KLHL12: variants seen among roughly 807,000 people sequenced by gnomAD.
KLHL12 encodes kelch like family member 12, also known as kelch-like protein 12.
KLHL12 carries 17 observed loss-of-function variants against 60.8 expected under a neutral mutation model. The ratio of observed to expected loss-of-function variants is 0.28; its 90% CI spans 0.19 to 0.42. The LOEUF is 0.42. Among genes scored for constraint, KLHL12 ranks in the 10% least tolerant of loss-of-function variants. KLHL12 has a pLI of 1.00. For synonymous variants in KLHL12, 220 were observed against 250.9 expected (o/e 0.88, Z 1.16); for missense variants, 468 against 722.3 (o/e 0.65, Z 4.04).
At chr1:202,920,905 T>C (rs1408872568) in intron 2 of KLHL12, among the ~76,000 whole-genome samples, 1 of 152,338 alleles carries the variant, frequency 6.6e-6, no homozygotes, top group East Asian at 1.9e-4. Context: ...ACTTTTAAGA[T>C]AAGACACAAT....
At chr1:202,896,483 G>A (rs997507397) in intron 7 of KLHL12, among the ~76,000 whole-genome samples, 2 of 152,166 alleles carry the variant, frequency 1.3e-5, no homozygotes, top group South Asian at 2.1e-4. Flanking sequence ...GAGCTACCAC[G>A]CCCAGCCCAA....
chr1:202,925,610 T>C (rs1260132495), intron 1 of KLHL12, among the ~76,000 whole-genome samples: 3 of 152,196 alleles, frequency 2.0e-5, no homozygotes, highest in Admixed American at 2.0e-4. Flanking sequence ...AGAGCATACA[T>C]AAAAAGAGGA....
In KLHL12 at chr1:202,893,192, CTTGCTCTGGCT is replaced by C. The variant is rs1358616648; in HGVS notation, c.1580+36_1580+46del. The C allele has an allele frequency of 1.4e-6, 2 of 1,480,092 alleles. No homozygotes were observed. Among genetic ancestry groups the C allele is most frequent in the Non-Finnish European group, 1.8e-6 (2 of 1,089,990 alleles). The allele number at this position is 1,480,092 out of a possible 1,614,324, so 91.7% of individuals were successfully genotyped here. A position where few individuals can be genotyped will look rare whatever the true frequency, so the allele number is the denominator to read the frequency against. On this transcript the variant is annotated intron_variant, in intron 11 of 11. Coordinates refer to ENST00000367261, the MANE Select transcript of KLHL12 (RefSeq NM_021633.4). The surrounding 1 kb of genome is among the most constrained non-coding windows in gnomAD (Gnocchi z 4.1). ...AAATGAGGATCAGATCACATAGACT[CTTGCTCTGGCT>C]ACATATTGAGTCTGGATTCGTTTCT...
intron 2 of KLHL12, among the ~76,000 whole-genome samples, chr1:202,920,292 C>G (rs1193610080): frequency 6.7e-6 from 1 of 150,030 alleles, no homozygotes; most frequent in Non-Finnish European, 1.5e-5. Flanking sequence ...CCAGCCTGGG[C>G]ACCAGAGTGA....
At chr1:202,925,707 C>T (rs1246978632) in intron 1 of KLHL12, among the ~76,000 whole-genome samples, 1 of 152,122 alleles carries the variant, frequency 6.6e-6, no homozygotes, top group East Asian at 1.9e-4. Flanking sequence ...TATTCAACTT[C>T]AACTTAGAGC....
intron 6 of KLHL12, among the ~76,000 whole-genome samples, chr1:202,904,606 C>T (rs1660126043): frequency 6.6e-6 from 1 of 152,090 alleles, no homozygotes; most frequent in Admixed American, 6.5e-5. Flanking sequence ...AGATTTTTAT[C>T]TTTTTAATGA....
In KLHL12 at chr1:202,895,694, A is replaced by G; in HGVS notation, c.963T>C (p.Tyr321=). The change falls in exon 8 of 12, where the codon TAT becomes TAC. Residue 321 remains tyrosine (Y), a synonymous_variant. Coordinates refer to ENST00000367261, the MANE Select transcript of KLHL12 (RefSeq NM_021633.4). The surrounding 1 kb of genome is among the most constrained non-coding windows in gnomAD (Gnocchi z 4.2). ...GGTCATGAAGGGACACTGAGGCCAC[A>G]TAACGTCTCTTACGAGTGATGCTCT... is the stretch of plus-strand genomic sequence containing the variant. ...FLPSITRKRR[Y]VASVSLHDRI... The G allele has an allele frequency of 2.5e-6, 4 of 1,614,172 alleles. No homozygotes were observed. Among genetic ancestry groups the G allele is most frequent in the South Asian group, 2.2e-5 (2 of 91,084 alleles).
At chr1:202,912,100 C>CA (rs1660380302) in intron 4 of KLHL12, 3 of 821,614 alleles carry the variant, frequency 3.7e-6, no homozygotes, top group Non-Finnish European at 6.4e-6. Context: ...GGAAGATTCT[C>CA]AAAGACCAGG....
intron 2 of KLHL12, among the ~76,000 whole-genome samples, chr1:202,922,447 AG>A (rs1188973434): frequency 6.6e-6 from 1 of 150,384 alleles, no homozygotes; most frequent in Non-Finnish European, 1.5e-5. Flanking sequence ...AAAAAAAAAA[AG>A]AGAGAGCGAT....
chr1:202,908,911 G>T (rs908676936), intron 6 of KLHL12, 99 bp downstream of exon 6: 6 of 727,360 alleles, frequency 8.2e-6, no homozygotes, highest in African/African-American at 3.6e-5. Context: ...TCTGAAACGA[G>T]GTGTCTGTAC....
intron 2 of KLHL12, among the ~76,000 whole-genome samples, chr1:202,920,369 ATTTTT>A (rs951695987): frequency 3.6e-5 from 3 of 83,806 alleles, no homozygotes; most frequent in East Asian, 3.7e-4. Flanking sequence ...ATTTTGTTGG[ATTTTT>A]TTTTTTTTTT....
intron 6 of KLHL12, among the ~76,000 whole-genome samples, chr1:202,899,843 AT>A (rs1462550388): frequency 1.4e-4 from 21 of 150,752 alleles, no homozygotes; most frequent in African/African-American, 2.4e-4. Flanking sequence ...AAAAAAAATA[AT>A]AATAATAAAT....
At chr1:202,927,337 G>T, upstream of KLHL12, 1 of 912,386 alleles carries the variant, frequency 1.1e-6, no homozygotes, top group Non-Finnish European at 1.3e-6. Context: ...CACGTGACCT[G>T]TCTGTACCCT....
intron 6 of KLHL12, among the ~76,000 whole-genome samples, chr1:202,901,712 G>A (rs145790799): frequency 1.3e-5 from 2 of 152,116 alleles, no homozygotes; most frequent in African/African-American, 4.8e-5. Flanking sequence ...CCTGTGTTTT[G>A]ACAGACTGTC....
At chr1:202,904,280 A>G (rs962769205) in intron 6 of KLHL12, among the ~76,000 whole-genome samples, 2 of 152,246 alleles carry the variant, frequency 1.3e-5, no homozygotes, top group Admixed American at 1.3e-4. Flanking sequence ...CTGGGATTAC[A>G]GGCGTAAGGC....
chr1:202,910,469 C>T (rs1025111107), intron 5 of KLHL12, among the ~76,000 whole-genome samples: 4 of 152,150 alleles, frequency 2.6e-5, no homozygotes, highest in Non-Finnish European at 4.4e-5. Context: ...TAGGGCTGGG[C>T]CAGCAAGAGG....
chr1:202,896,821 T>G (rs960685530), intron 7 of KLHL12, 33 bp downstream of exon 7: 2 of 1,495,790 alleles, frequency 1.3e-6, no homozygotes, highest in Admixed American at 3.3e-5. Flanking sequence ...ACATTTAACA[T>G]CCCTCCCAAC....
intron 6 of KLHL12, among the ~76,000 whole-genome samples, chr1:202,905,082 A>C (rs1276754145): frequency 6.6e-6 from 1 of 152,184 alleles, no homozygotes; most frequent in Non-Finnish European, 1.5e-5. Context: ...TGACAAAGCG[A>C]TACTAAGAAT....
chr1:202,919,288 G>A (rs1660614061), intron 3 of KLHL12, among the ~76,000 whole-genome samples: 1 of 152,012 alleles, frequency 6.6e-6, no homozygotes, highest in Admixed American at 6.6e-5. Context: ...GAATTGTAAG[G>A]GAAAACAAAC....
Sources: gnomAD v4.1 joint callset for allele counts (sites outside exome capture counted in the v4.1 genomes callset) on GRCh38, gnomAD v4.1.1 for gene constraint, Gnocchi (gnomAD v3.1) non-coding constraint, MANE v1.5 for transcripts, NCBI Gene and HGNC (gene_info 2026-07-23, HGNC 2026-07-21) for gene names.